Variants in NUP153 observed in about 807,000 individuals in gnomAD.
NUP153 encodes the protein nuclear pore complex protein Nup153.
NUP153 carries 27 observed loss-of-function variants against 134.6 expected under a neutral mutation model. The observed-to-expected ratio is 0.20, with a 90% CI of 0.15 to 0.28. The LOEUF (loss-of-function observed/expected upper bound fraction) is 0.28, where lower values mean the gene tolerates loss of function less well. NUP153 is among the 10% of genes least tolerant of loss of function. NUP153 has a pLI of 1.00. For synonymous variants in NUP153, 640 were observed against 623.5 expected (o/e 1.03, Z -0.40); for missense variants, 1,821 against 1,731.3 (o/e 1.05, Z -0.92).
intron 14 of NUP153, among the ~76,000 whole-genome samples, chr6:17,642,756 T>A (rs1401951563): frequency 1.3e-5 from 2 of 152,204 alleles, no homozygotes; most frequent in Non-Finnish European, 2.9e-5. Flanking sequence ...GCAGCACTAT[T>A]CACAATAGCC....
Position 17,674,978 on chromosome 6 carries a change from T to G in NUP153, c.779A>C (p.Tyr260Ser). ...CCCACCGTATGTTGTTTTTCCAGGA[T>G]AAAAAGGAGAATCTCCAAGCTGACT... ...KTSQLGDSPF[Y>S]PGKTTYGGAA... The change falls in exon 5 of 22, where the codon TAT becomes TCT. Residue 260 changes from tyrosine to serine, a missense_variant. Physicochemically the swap from Tyr to Ser is moderately radical, Grantham distance 144. Transcript: ENST00000262077. 1 of 1,613,524 alleles carries G rather than the reference T, an allele frequency of 6.2e-7. No individual in the cohort carries two copies. The highest frequency in any genetic ancestry group is 8.5e-7 in the Non-Finnish European group (1 of 1,179,662).
At chr6:17,672,829 A>G (rs1767998141) in intron 5 of NUP153, among the ~76,000 whole-genome samples, 1 of 152,278 alleles carries the variant, frequency 6.6e-6, no homozygotes, top group Non-Finnish European at 1.5e-5. Flanking sequence ...TTTTAAAAAA[A>G]CTTTTTAATT....
intron 9 of NUP153, among the ~76,000 whole-genome samples, chr6:17,664,279 C>G (rs1157859978): frequency 6.6e-6 from 1 of 152,218 alleles, no homozygotes; most frequent in East Asian, 1.9e-4. Context: ...GATGGCTTAA[C>G]AGTTGAACAA....
intron 1 of NUP153, among the ~76,000 whole-genome samples, chr6:17,701,094 G>A (rs764667641): frequency 3.9e-5 from 6 of 152,004 alleles, no homozygotes; most frequent in East Asian, 3.9e-4. Flanking sequence ...GAGTGGTGGC[G>A]CATGCCTGTA....
In NUP153 at chr6:17,647,788, T is replaced by G; in HGVS notation, c.1632+19A>C. On this transcript the variant is annotated intron_variant, in intron 13 of 21. Transcript: ENST00000262077. ...CTTTGAAATCAGTAAATATATACTA[T>G]TCCTTGCTTGTTACTTACAGATGAT... 1 of 1,397,530 alleles carries G rather than the reference T, an allele frequency of 7.2e-7. No homozygotes were observed. The highest frequency in any genetic ancestry group is 1.0e-6 in the Non-Finnish European group (1 of 984,250). The allele number at this position is 1,397,530 out of a possible 1,614,324, so 86.6% of individuals were successfully genotyped here. A position where few individuals can be genotyped will look rare whatever the true frequency, so the allele number is the denominator to read the frequency against.
chr6:17,654,644 G>A (rs1210531576), intron 11 of NUP153, among the ~76,000 whole-genome samples: 1 of 152,070 alleles, frequency 6.6e-6, no homozygotes, highest in Non-Finnish European at 1.5e-5. Flanking sequence ...TCTATCATTT[G>A]ATTTCTACTC....
chr6:17,620,851 CA>C (rs1764612223), intron 20 of NUP153, among the ~76,000 whole-genome samples: 2 of 151,836 alleles, frequency 1.3e-5, no homozygotes, highest in Non-Finnish European at 2.9e-5. Context: ...GCAACAAAAA[CA>C]AAAATAGACA....
chr6:17,705,585 T>TGGGGGGGG (rs200771105), intron 1 of NUP153, among the ~76,000 whole-genome samples: 2 of 39,978 alleles, frequency 5.0e-5, no homozygotes, highest in African/African-American at 9.6e-5. Context: ...GTGGCGGTGT[T>TGGGGGGGG]GGGGGGGGGG....
Position 17,637,726 on chromosome 6 carries a change from C to T in NUP153, c.1891G>A (p.Ala631Thr), listed in dbSNP as rs746446124. The change falls in exon 16 of 22, where the codon GCA becomes ACA. Residue 631 changes from alanine (A) to threonine (T), a missense_variant. Physicochemically the swap from Ala to Thr is moderately conservative, Grantham distance 58. Transcript: ENST00000262077. ...KIDSVAAQPT[A>T]TSPVVYTRPA... ...CTTGTATAAACTACTGGGCTTGTTGCGGTGGGCTGAGCAGCAACAGAATCT... is the reference window on the plus strand; with the variant it reads ...CTTGTATAAACTACTGGGCTTGTTGTGGTGGGCTGAGCAGCAACAGAATCT... 14 of 1,605,926 alleles carry T rather than the reference C, an allele frequency of 8.7e-6. No homozygotes were observed. The highest frequency in any genetic ancestry group is 1.2e-5 in the Non-Finnish European group (14 of 1,179,898).
At chr6:17,661,872 C>T in intron 10 of NUP153, 93 bp from the exon 11 acceptor site, 1 of 1,291,152 alleles carries the variant, frequency 7.7e-7, no homozygotes, top group Non-Finnish European at 1.1e-6. Context: ...AAAAAATATA[C>T]AGCTGAACGT....
chr6:17,633,826 T>C (rs1325177256), intron 16 of NUP153, among the ~76,000 whole-genome samples: 1 of 152,196 alleles, frequency 6.6e-6, no homozygotes, highest in East Asian at 1.9e-4. Context: ...TTTATAGGTA[T>C]GTTCTCTTCC....
At chr6:17,630,637 C>CGGTCAACA (rs1248076373) in intron 17 of NUP153, among the ~76,000 whole-genome samples, 1 of 150,644 alleles carries the variant, frequency 6.6e-6, no homozygotes, top group African/African-American at 2.4e-5. Context: ...CACTCCAGCC[C>CGGTCAACA]GGTCAACAGT....
chr6:17,636,821 A>C (rs1018510769), intron 16 of NUP153, among the ~76,000 whole-genome samples: 2 of 152,204 alleles, frequency 1.3e-5, no homozygotes, highest in Non-Finnish European at 2.9e-5. Flanking sequence ...TGGAGAAGTA[A>C]TATTTTACTC....
At chr6:17,652,688 T>A (rs1359665204) in intron 11 of NUP153, among the ~76,000 whole-genome samples, 1 of 152,142 alleles carries the variant, frequency 6.6e-6, no homozygotes. Flanking sequence ...TCTGACAAAG[T>A]ACCTAGGTCC....
At chr6:17,642,426 A>G (rs1765884903) in intron 14 of NUP153, among the ~76,000 whole-genome samples, 1 of 152,226 alleles carries the variant, frequency 6.6e-6, no homozygotes. Context: ...CCTCCCTAAG[A>G]TATTTAAATG....
chr6:17,680,751 C>T lies in NUP153; in HGVS notation c.335-4981G>A, dbSNP rs1220824585. On this transcript the variant is annotated intron_variant, in intron 2 of 21. Transcript: ENST00000262077. This position sits in a 1 kb window ranked among gnomAD's most constrained non-coding sequence, Gnocchi z 4.5. ...GTACTCCAACCCCCAGTGAAAATGG[C>T]TTTTATCAAAAAGGCAATAATGGAT... Among the ~76,000 whole-genome samples, 2 of 152,132 alleles carry T rather than the reference C, an allele frequency of 1.3e-5. No individual in the cohort carries two copies. Among genetic ancestry groups the T allele is most frequent in the East Asian group, 3.9e-4 (2 of 5,190 alleles).
intron 5 of NUP153, among the ~76,000 whole-genome samples, chr6:17,670,567 T>C (rs1354733019): frequency 2.6e-5 from 4 of 152,200 alleles, no homozygotes; most frequent in Non-Finnish European, 5.9e-5. Context: ...ACCTGCAGTA[T>C]GATGTTAAAC....
intron 2 of NUP153, among the ~76,000 whole-genome samples, chr6:17,678,351 T>TAAAAAAAAAAAAAAA (rs1768355170): frequency 2.5e-5 from 1 of 40,734 alleles, no homozygotes; most frequent in African/African-American, 1.9e-4. Flanking sequence ...ACCCTCTGTC[T>TAAAAAAAAAAAAAAA]CAAAAAAAAA....
At chr6:17,621,275 C>A (rs573505405) in intron 20 of NUP153, among the ~76,000 whole-genome samples, 95 of 152,224 alleles carry the variant, frequency 6.2e-4, no homozygotes, top group South Asian at 2.3e-3. Flanking sequence ...TTAGTATAAC[C>A]GTTATGGAAA....
Sources: allele counts gnomAD v4.1 joint callset (sites outside exome capture counted in the v4.1 genomes callset), GRCh38; gene constraint gnomAD v4.1.1; non-coding constraint Gnocchi (gnomAD v3.1); transcripts MANE v1.5; gene names NCBI Gene and HGNC (gene_info 2026-07-23, HGNC 2026-07-21).